ZNF589: variants seen among roughly 807,000 people sequenced by gnomAD.
ZNF589 encodes the protein zinc finger protein 589, also known as KRAB-zinc finger protein SZF1-1.
ZNF589 carries 17 observed loss-of-function variants against 13.6 expected under a neutral mutation model. The observed-to-expected ratio is 1.25, with a 90% confidence interval of 0.86 to 1.88. The LOEUF is 1.88. ZNF589 is among the 40% of genes most tolerant of loss of function. ZNF589 has a pLI of 0.00. For missense variants in ZNF589, 407 were observed against 434.0 expected (o/e 0.94, Z 0.55); for synonymous variants, 148 against 161.6 (o/e 0.92, Z 0.64).
Position 48,247,690 on chromosome 3 carries a change from C to T in ZNF589, c.96+13C>T, listed in dbSNP as rs370079633. On this transcript the variant is annotated intron_variant, in intron 2 of 3. Transcript: ENST00000354698. Reference sequence around the variant, plus strand: ...GCCTAGATATCTGGTGAGTTGGGCCCGCCCTTCTCTTTTCTGAAATGCTGG... The same window carrying T: ...GCCTAGATATCTGGTGAGTTGGGCCTGCCCTTCTCTTTTCTGAAATGCTGG... 1.1e-4 allele frequency: 183 copies of T among 1,612,070 alleles called. No individual in the cohort carries two copies. Among genetic ancestry groups the T allele is most frequent in the South Asian group, 5.0e-4 (45 of 90,748 alleles).
chr3:48,242,732 A>G (rs1318209877), intron 1 of ZNF589, among the ~76,000 whole-genome samples: 1 of 152,210 alleles, frequency 6.6e-6, no homozygotes, highest in African/African-American at 2.4e-5. Flanking sequence ...ACGAATGAGC[A>G]TTGCCGTGTT....
chr3:48,267,521 C>T (rs552588965), intron 3 of ZNF589, among the ~76,000 whole-genome samples: 39 of 152,142 alleles, frequency 2.6e-4, no homozygotes, highest in African/African-American at 8.7e-4. Context: ...CTCAGCCTCC[C>T]GAGTAGCTGG....
At chr3:48,260,132 A>G (rs2033955073) in intron 2 of ZNF589, among the ~76,000 whole-genome samples, 1 of 152,056 alleles carries the variant, frequency 6.6e-6, no homozygotes, top group South Asian at 2.1e-4. Flanking sequence ...GAAGATGAAA[A>G]AGCATATGGT....
At position 48,241,259 on chromosome 3, in the gene ZNF589, C is replaced by G. The variant is rs747188778; in HGVS notation, c.43+45C>G. The G allele has an allele frequency of 2.5e-6, 4 of 1,601,222 alleles. No individual in the cohort carries two copies. The Admixed American group carries it at 5.1e-5, about 20-fold the overall frequency. On this transcript the variant is annotated intron_variant, in intron 1 of 3. Transcript: ENST00000354698. The stretch of plus-strand genomic sequence containing the variant: ...TCGCCTCCCCCATTCGGTGCTCCAG[C>G]CGCAGGCGCCGCGCAGGCGTCGGCC...
chr3:48,268,998 G>A lies in ZNF589; in HGVS notation c.*212G>A, dbSNP rs2034058204. On this transcript the variant is annotated 3_prime_UTR_variant, in exon 4 of 4. Transcript: ENST00000354698. Reference sequence around the variant, plus strand: ...AAGTCGTCGCTCAAATCACATCGGAGAACACACTCAGGGGAGAAGCCTTAT... The same window carrying A: ...AAGTCGTCGCTCAAATCACATCGGAAAACACACTCAGGGGAGAAGCCTTAT... 2.6e-6 allele frequency: 2 copies of A among 760,310 alleles called. No individual in the cohort carries two copies. Among genetic ancestry groups the A allele is most frequent in the African/African-American group, 1.7e-5 (1 of 57,304 alleles). The allele number at this position is 760,310 out of a possible 1,614,324, so 47.1% of individuals were successfully genotyped here. A position where few individuals can be genotyped will look rare whatever the true frequency, so the allele number is the denominator to read the frequency against.
intron 2 of ZNF589, among the ~76,000 whole-genome samples, chr3:48,252,707 C>T (rs1188172695): frequency 1.4e-5 from 2 of 147,356 alleles, no homozygotes; most frequent in Non-Finnish European, 3.0e-5. Context: ...CTGCAGGCTC[C>T]GCCCCCTGGG....
intron 2 of ZNF589, among the ~76,000 whole-genome samples, chr3:48,255,318 G>A (rs935575839): frequency 1.3e-5 from 2 of 151,550 alleles, no homozygotes; most frequent in Non-Finnish European, 2.9e-5. Flanking sequence ...TGGGATTACA[G>A]GTGTGCGCCA....
rs898652641 is a variant in ZNF589, at chr3:48,243,291, T to A, written c.43+2077T>A. Reference sequence around the variant, plus strand: ...GTGAGACTTCATCTTTGTGTTAAAATTTTTTTTTTCTGAAGTAAAGACTAT... The same window carrying A: ...GTGAGACTTCATCTTTGTGTTAAAAATTTTTTTTTCTGAAGTAAAGACTAT... On this transcript the variant is annotated intron_variant, in intron 1 of 3. Transcript: ENST00000354698. Among the ~76,000 whole-genome samples the A allele has an allele frequency of 2.5e-4, 38 of 149,380 alleles. No homozygotes were observed. In the Admixed American group the frequency reaches 2.5e-3, roughly 10 times the overall value.
At chr3:48,264,892 C>T (rs993180353) in intron 3 of ZNF589, among the ~76,000 whole-genome samples, 1 of 152,134 alleles carries the variant, frequency 6.6e-6, no homozygotes, top group Admixed American at 6.5e-5. Context: ...CCATTCCATT[C>T]TTCTGTTCCT....
chr3:48,242,301 G>A (rs1390884116), intron 1 of ZNF589, among the ~76,000 whole-genome samples: 1 of 151,818 alleles, frequency 6.6e-6, no homozygotes. Flanking sequence ...TAGTAGAGGC[G>A]GGGTTTCATC....
In ZNF589 at chr3:48,241,170, A is replaced by G. The variant is rs766242803; in HGVS notation, c.-2A>G. On this transcript the variant is annotated 5_prime_UTR_variant, in exon 1 of 4. Coordinates refer to ENST00000354698, the MANE Select transcript of ZNF589 (RefSeq NM_016089.3). ...TTGCTTCGTGCGTGCGTGCGCGCGC[A>G]GATGTGGGCCCCGCGGGAGCAGCTA... The G allele has an allele frequency of 1.2e-5, 19 of 1,612,362 alleles. No individual in the cohort carries two copies. Among genetic ancestry groups the G allele is most frequent in the Non-Finnish European group, 1.6e-5 (19 of 1,179,506 alleles).
Position 48,269,513 on chromosome 3 carries a change from G to C in ZNF589, c.*727G>C. 1 of 386,318 alleles carries C rather than the reference G, an allele frequency of 2.6e-6. No individual in the cohort carries two copies. Among genetic ancestry groups the C allele is most frequent in the Non-Finnish European group, 5.0e-6 (1 of 199,060 alleles). 23.9% of individuals were successfully genotyped at this position (386,318 alleles called of 1,614,324 possible). On this transcript the variant is annotated 3_prime_UTR_variant, in exon 4 of 4. Transcript: ENST00000354698. Reference sequence around the variant, plus strand: ...CAACAGACACTGGAGGACACACACAGGAGAGAAACCTTACGCATGCATCGA... The same window carrying C: ...CAACAGACACTGGAGGACACACACACGAGAGAAACCTTACGCATGCATCGA...
rs377257417 is a variant in ZNF589 at position 48,268,105 on chromosome 3, G to C, written c.414G>C (p.Arg138Ser). The C allele has an allele frequency of 9.9e-6, 16 of 1,614,062 alleles. No homozygotes were observed. The highest frequency in any genetic ancestry group is 8.3e-5 in the Admixed American group (5 of 59,994). Residue 138 changes from arginine (R) to serine (S), a missense_variant, in exon 4 of 4, where the codon AGG becomes AGC. Physicochemically the swap from Arg to Ser is moderately radical, Grantham distance 110 (BLOSUM62 -1). Coordinates refer to ENST00000354698, the MANE Select transcript of ZNF589 (RefSeq NM_016089.3). ...AACATCCTTCTGATAAAAATCACAG[G>C]GGGGCTGAAGCAGAAGATCAACGAG... Reference protein sequence around the residue: ...QSQHPSDKNHRGAEAEDQRVE... With the variant: ...QSQHPSDKNHSGAEAEDQRVE...
At chr3:48,254,269 A>G (rs2033873172) in intron 2 of ZNF589, among the ~76,000 whole-genome samples, 2 of 152,148 alleles carry the variant, frequency 1.3e-5, no homozygotes, top group Admixed American at 1.3e-4. Flanking sequence ...AAAAAACTAA[A>G]CAAAAAATCA....
intron 2 of ZNF589, among the ~76,000 whole-genome samples, chr3:48,255,302 A>G (rs2033886042): frequency 6.6e-6 from 1 of 151,128 alleles, no homozygotes; most frequent in Non-Finnish European, 1.5e-5. Context: ...CAGCCTCCCA[A>G]GTAGCTGGGA....
chr3:48,269,559 A>G lies in ZNF589; in HGVS notation c.*773A>G, dbSNP rs2106852956. The G allele has an allele frequency of 3.1e-6, 1 of 325,452 alleles. No homozygotes were observed. Among genetic ancestry groups the G allele is most frequent in the African/African-American group, 2.2e-5 (1 of 45,860 alleles). The allele number at this position is 325,452 out of a possible 1,614,324, so 20.2% of individuals were successfully genotyped here. ...ATCGAGTGTGGGCGAAACTTTAGCC[A>G]CAAGTCCACTCTCAGCTTACATCAG... On this transcript the variant is annotated 3_prime_UTR_variant, in exon 4 of 4. Transcript: ENST00000354698.
intron 3 of ZNF589, among the ~76,000 whole-genome samples, chr3:48,266,649 G>A (rs913353481): frequency 6.6e-6 from 1 of 152,224 alleles, no homozygotes. Flanking sequence ...GGGCAACATG[G>A]TGAACGCCGT....
At chr3:48,259,229 C>T (rs1164600658) in intron 2 of ZNF589, among the ~76,000 whole-genome samples, 2 of 152,202 alleles carry the variant, frequency 1.3e-5, no homozygotes, top group Non-Finnish European at 2.9e-5. Flanking sequence ...ATAGATGTGA[C>T]ATCCCTCCCA....
rs1355143220 is a variant in ZNF589 at position 48,268,479 on chromosome 3, T to C, written c.788T>C (p.Leu263Pro). The change falls in exon 4 of 4, where the codon CTC (leucine) becomes CCC (proline). Residue 263 changes from leucine (L) to proline (P), a missense_variant. Transcript: ENST00000354698. ...CGAGGCTTTAGCAGGAAGTCACAGC[T>C]CATCATACACCAGAGGACACACACA... ...CGRGFSRKSQ[L>P]IIHQRTHTGE... is the part of the protein sequence containing the mutation. The C allele has an allele frequency of 6.2e-7, 1 of 1,613,926 alleles. No individual in the cohort carries two copies. Among genetic ancestry groups the C allele is most frequent in the Non-Finnish European group, 8.5e-7 (1 of 1,180,030 alleles).
Sources: gnomAD v4.1 joint callset for allele counts (sites outside exome capture counted in the v4.1 genomes callset) on GRCh38, gnomAD v4.1.1 for gene constraint, MANE v1.5 for transcripts, NCBI Gene and HGNC (gene_info 2026-07-23, HGNC 2026-07-21) for gene names.